Variants in LCT observed in about 807,000 individuals in gnomAD.
LCT encodes the protein lactase/phlorizin hydrolase.
Under a neutral mutation model 173.0 loss-of-function variants are expected in LCT, and 90 were observed. The ratio of observed to expected loss-of-function variants is 0.52; its 90% CI spans 0.44 to 0.62. The LOEUF (loss-of-function observed/expected upper bound fraction) is 0.62. LCT is among the 20% of genes least tolerant of loss of function. LCT has a pLI of 0.00. For synonymous variants in LCT, 853 were observed against 957.6 expected (o/e 0.89, Z 2.02); for missense variants, 1,864 against 2,431.4 (o/e 0.77, Z 4.91).
At chr2:135,795,805 G>A (rs969156799) in intron 13 of LCT, among the ~76,000 whole-genome samples, 4 of 151,708 alleles carry the variant, frequency 2.6e-5, no homozygotes, top group Admixed American at 6.6e-5. Context: ...CGCCCCCTGA[G>A]GCTGGAGTGC....
rs147495948 is a variant in LCT at position 135,803,947 on chromosome 2, T to C, written c.4646A>G (p.Tyr1549Cys). Residue 1549 changes from tyrosine (Y) to cysteine (C), a missense_variant, in exon 11 of 17, where the codon TAC becomes TGC. This residue lies in a region of LCT where 514 missense variants were observed against 750.1 expected (regional missense o/e 0.69). Transcript: ENST00000264162. ...PFVIAYQGYG[Y>C]GTAAPGVSNR... The stretch of plus-strand genomic sequence containing the variant: ...GGACTTACCTGGAGCTGCTGTTCCG[T>C]AGCCATAGCCCTGGTAAGCAATGAC... 5.8e-4 allele frequency: 942 copies of C among 1,614,034 alleles called. 6 individuals are homozygous for C. In the Middle Eastern group the frequency reaches 9.2e-3, roughly 16 times the overall value.
chr2:135,822,134 T>C, intron 4 of LCT, 36 bp from the exon 5 acceptor site: 1 of 1,218,276 alleles, frequency 8.2e-7, no homozygotes, highest in Middle Eastern at 1.9e-4. Flanking sequence ...TCTATGTAAA[T>C]GCCAACTAAG....
chr2:135,829,974 C>T (rs1431514140), intron 2 of LCT, among the ~76,000 whole-genome samples: 4 of 152,088 alleles, frequency 2.6e-5, no homozygotes, highest in Admixed American at 6.6e-5. Context: ...TAAATGAATG[C>T]GTGAAGGAGT....
intron 9 of LCT, among the ~76,000 whole-genome samples, chr2:135,805,635 T>C (rs183210285): frequency 7.3e-4 from 111 of 152,316 alleles, no homozygotes; most frequent in African/African-American, 2.5e-3. Flanking sequence ...AACTGCCTGC[T>C]TGGAAGGATC....
intron 11 of LCT, 152 bp from the exon 12 acceptor site, chr2:135,800,961 C>T: frequency 1.5e-6 from 1 of 677,538 alleles, no homozygotes; most frequent in Non-Finnish European, 2.6e-6. Flanking sequence ...CTGGCTCTCC[C>T]TCTTATTACC....
intron 2 of LCT, among the ~76,000 whole-genome samples, chr2:135,831,086 T>C (rs2077934073): frequency 6.6e-6 from 1 of 152,158 alleles, no homozygotes; most frequent in South Asian, 2.1e-4. Flanking sequence ...TTGGTCTCCG[T>C]GCTCTCTCCT....
At chr2:135,791,523 C>A (rs1195179893) in intron 14 of LCT, among the ~76,000 whole-genome samples, 1 of 152,080 alleles carries the variant, frequency 6.6e-6, no homozygotes, top group African/African-American at 2.4e-5. Flanking sequence ...AAATAAGAAC[C>A]AAGAATTTAG....
At position 135,790,694 on chromosome 2, in the gene LCT, A is replaced by G. The variant is rs2077526695; in HGVS notation, c.5299T>C (p.Tyr1767His). The G allele has an allele frequency of 2.5e-6, 4 of 1,613,180 alleles. No homozygotes were observed. In the East Asian group the frequency reaches 8.9e-5, roughly 36 times the overall value. Residue 1767 changes from tyrosine (Y) to histidine (H), a missense_variant, in exon 15 of 17, where the codon TAC becomes CAC. Physicochemically the swap from Tyr to His is moderately conservative, Grantham distance 83. Transcript: ENST00000264162. The surrounding 1 kb of genome is among the most constrained non-coding windows in gnomAD (Gnocchi z 4.1). ...ETDLNDTARI[Y>H]YLRTYINEAL... ...TCATTGATGTAAGTCCGAAGGTAGT[A>G]GATCCTTGCAGTGTCATTGAGGTCT...
intron 5 of LCT, 152 bp downstream of exon 5, chr2:135,821,866 TTC>T: frequency 1.5e-6 from 1 of 645,934 alleles, no homozygotes. Flanking sequence ...CCTACTTTCT[TTC>T]TGAGTCTTTG....
intron 3 of LCT, among the ~76,000 whole-genome samples, chr2:135,828,707 T>C (rs2077907430): frequency 6.6e-6 from 1 of 152,112 alleles, no homozygotes; most frequent in Non-Finnish European, 1.5e-5. Flanking sequence ...GAGAGAAACC[T>C]GGTAGTTGGA....
intron 3 of LCT, among the ~76,000 whole-genome samples, chr2:135,828,281 C>T (rs2077903746): frequency 6.6e-6 from 1 of 152,182 alleles, no homozygotes; most frequent in Non-Finnish European, 1.5e-5. Flanking sequence ...CCTCGGCCTC[C>T]CAAAGTGCTG....
At chr2:135,799,723 T>A (rs536219729) in intron 12 of LCT, among the ~76,000 whole-genome samples, 12 of 152,356 alleles carry the variant, frequency 7.9e-5, no homozygotes, top group African/African-American at 2.9e-4. Flanking sequence ...GTGCTGGGAT[T>A]ACAGGCGTGA....
rs760541869 is a variant in LCT at position 135,788,483 on chromosome 2, G to A, written c.5625C>T (p.Leu1875=). The change falls in exon 17 of 17, where the codon CTC becomes CTT. Residue 1875 remains leucine, a synonymous_variant. Coordinates refer to ENST00000264162, the MANE Select transcript of LCT (RefSeq NM_002299.4). ...AAGCTGTCTGTGCTTCTGTGGTGCC[G>A]AGCATTAGCCCCAGGAACTGCACCT... ...QEEVQFLGLM[L]GTTEAQTALY... 8 of 1,612,994 alleles carry A rather than the reference G, an allele frequency of 5.0e-6. No individual in the cohort carries two copies. Among genetic ancestry groups the A allele is most frequent in the African/African-American group, 4.0e-5 (3 of 74,886 alleles).
Position 135,817,941 on chromosome 2 carries a change from C to T in LCT, c.1107G>A (p.Gln369=). Residue 369 remains glutamine (Q), a synonymous_variant, in exon 6 of 17, where the codon CAG becomes CAA. Coordinates refer to ENST00000264162, the MANE Select transcript of LCT (RefSeq NM_002299.4). ...YQRIWEAFAN[Q]SRAERDAFLQ... is the part of the protein sequence containing the mutation. The stretch of plus-strand genomic sequence containing the variant: ...GGAAGGCATCCCTTTCCGCCCTGGA[C>T]TGATTGGCAAATGCTTCCCAGATTC... 6.2e-7 allele frequency: 1 copy of T among 1,614,014 alleles called. No homozygotes were observed. Among genetic ancestry groups the T allele is most frequent in the Non-Finnish European group, 8.5e-7 (1 of 1,180,022 alleles).
intron 7 of LCT, 34 bp downstream of exon 7, chr2:135,812,277 A>C: frequency 6.3e-7 from 1 of 1,577,522 alleles, no homozygotes; most frequent in Non-Finnish European, 8.7e-7. Flanking sequence ...AGTACCACCC[A>C]CCTTCCAATC....
chr2:135,819,896 C>T (rs1433194415), intron 5 of LCT, among the ~76,000 whole-genome samples: 2 of 152,132 alleles, frequency 1.3e-5, no homozygotes. Context: ...AAATAAACTG[C>T]CCTGGGATGA....
In LCT at chr2:135,794,710, T is replaced by C. The variant is rs1184839100; in HGVS notation, c.5042A>G (p.Asn1681Ser). ...INGTYDFFGF[N>S]HYTTVLAYNL... is the part of the protein sequence containing the mutation. ...GTAGGCGAGGACAGTGGTGTAGTGA[T>C]TGAACCCAAAAAAGTCATAGGTGCC... is the stretch of plus-strand genomic sequence containing the variant. The change falls in exon 14 of 17, where the codon AAT becomes AGT. Residue 1681 changes from asparagine to serine, a missense_variant. This residue lies in a region of LCT where 514 missense variants were observed against 750.1 expected (regional missense o/e 0.69). Transcript: ENST00000264162. 5.6e-6 allele frequency: 9 copies of C among 1,614,150 alleles called. No individual in the cohort carries two copies. Among genetic ancestry groups the C allele is most frequent in the African/African-American group, 2.7e-5 (2 of 75,056 alleles).
At chr2:135,815,042 CT>C (rs1356360493) in intron 6 of LCT, among the ~76,000 whole-genome samples, 1 of 152,040 alleles carries the variant, frequency 6.6e-6, no homozygotes, top group African/African-American at 2.4e-5. Flanking sequence ...CCAACCACCC[CT>C]ATATGAGGAC....
intron 7 of LCT, among the ~76,000 whole-genome samples, chr2:135,810,982 G>A (rs1412942961): frequency 6.0e-5 from 9 of 151,238 alleles, no homozygotes; most frequent in East Asian, 5.8e-4. Flanking sequence ...AGCTGAGATC[G>A]CGCCACTGCA....
Sources: allele counts gnomAD v4.1 joint callset (sites outside exome capture counted in the v4.1 genomes callset), GRCh38; gene constraint gnomAD v4.1.1; regional missense constraint gnomAD v4.1.1; non-coding constraint Gnocchi (gnomAD v3.1); transcripts MANE v1.5; gene names NCBI Gene and HGNC (gene_info 2026-07-23, HGNC 2026-07-21).